The following KCNH5 variants were observed in gnomAD, a reference collection of about 807,000 sequenced individuals.
KCNH5 encodes voltage-gated delayed rectifier potassium channel KCNH5.
KCNH5 carries 46 observed loss-of-function variants against 96.1 expected under a neutral mutation model. That is an observed-to-expected ratio of 0.48 (90% CI 0.38 to 0.61). The LOEUF (loss-of-function observed/expected upper bound fraction) is 0.61. Ranked by LOEUF, KCNH5 falls within the 20% of genes least tolerant of loss-of-function variation. KCNH5 has a pLI of 0.00. For missense variants in KCNH5, 907 were observed against 1,225.8 expected, an observed-to-expected ratio of 0.74 and a Z score of 3.88; for synonymous variants, 439 against 449.8, an observed-to-expected ratio of 0.98 and a Z score of 0.30.
chr14:62,774,800 T>C (rs1420975511), intron 10 of KCNH5, among the ~76,000 whole-genome samples: 1 of 152,174 alleles, frequency 6.6e-6, no homozygotes, highest in African/African-American at 2.4e-5. Flanking sequence ...GGAATTGTGT[T>C]CTTATTATTG....
chr14:62,933,835 GA>G (rs1313055919), intron 7 of KCNH5, among the ~76,000 whole-genome samples: 1 of 152,120 alleles, frequency 6.6e-6, no homozygotes, highest in Non-Finnish European at 1.5e-5. Flanking sequence ...CAGATTAAAT[GA>G]AAAAGAAGGC....
intron 9 of KCNH5, among the ~76,000 whole-genome samples, chr14:62,786,583 A>C (rs1475481776): frequency 6.6e-6 from 1 of 152,210 alleles, no homozygotes; most frequent in Admixed American, 6.5e-5. Flanking sequence ...ATTACAATAC[A>C]GGCATAATCC....
At chr14:62,835,982 C>T (rs903085632) in intron 8 of KCNH5, among the ~76,000 whole-genome samples, 1 of 151,626 alleles carries the variant, frequency 6.6e-6, no homozygotes, top group Non-Finnish European at 1.5e-5. Context: ...AGAATTCTGC[C>T]GAATTTAGAT....
At chr14:62,889,532 C>T (rs923161241) in intron 7 of KCNH5, among the ~76,000 whole-genome samples, 6 of 152,174 alleles carry the variant, frequency 3.9e-5, no homozygotes, top group African/African-American at 7.2e-5. Context: ...AGAGAGCAGC[C>T]GATGAGCACA....
intron 7 of KCNH5, among the ~76,000 whole-genome samples, chr14:62,876,141 T>G (rs1888368084): frequency 6.6e-6 from 1 of 152,170 alleles, no homozygotes; most frequent in Non-Finnish European, 1.5e-5. Flanking sequence ...CACTCCAGAC[T>G]GGGTAACAGA....
chr14:62,711,286 C>T (rs1884562083), intron 10 of KCNH5, among the ~76,000 whole-genome samples: 1 of 140,958 alleles, frequency 7.1e-6, no homozygotes, highest in South Asian at 2.4e-4. Flanking sequence ...TAGCTAGAAA[C>T]AAAGACTCCA....
chr14:62,720,409 C>T lies in KCNH5; in HGVS notation c.2020-11954G>A, dbSNP rs1476995690. Among the ~76,000 whole-genome samples the T allele has an allele frequency of 5.7e-4, 8 of 13,932 alleles. No homozygotes were observed. In the East Asian group the frequency reaches 0.5, roughly 871 times the overall value. The allele number at this position is 13,932 out of a possible 152,430, so 9.1% of individuals were successfully genotyped here. On this transcript the variant is annotated intron_variant, in intron 10 of 10. Transcript: ENST00000322893. ...TAATTAAGAGACTTTTTGACCCCGT[C>T]TCTACTAAACAACAACAAAAAAATT...
intron 10 of KCNH5, 151 bp from the exon 11 acceptor site, chr14:62,708,606 T>C: frequency 5.5e-6 from 3 of 544,232 alleles, no homozygotes; most frequent in Non-Finnish European, 9.4e-6. Flanking sequence ...TTAAATACCA[T>C]TTATGGAATT....
chr14:62,752,964 A>G (rs370024194), intron 10 of KCNH5, among the ~76,000 whole-genome samples: 1 of 152,336 alleles, frequency 6.6e-6, no homozygotes, highest in South Asian at 2.1e-4. Context: ...TAGCAGTGTG[A>G]AAACAGACTA....
At chr14:62,939,010 A>G (rs1183982812) in intron 7 of KCNH5, among the ~76,000 whole-genome samples, 11 of 152,212 alleles carry the variant, frequency 7.2e-5, no homozygotes, top group Non-Finnish European at 1.5e-4. Context: ...CATGAAGTTA[A>G]TGGCTAATAA....
At chr14:62,907,713 T>C (rs934916324) in intron 7 of KCNH5, among the ~76,000 whole-genome samples, 9 of 152,188 alleles carry the variant, frequency 5.9e-5, no homozygotes, top group Non-Finnish European at 1.3e-4. Flanking sequence ...CGTTTTGTCA[T>C]TCCCTGTGCA....
intron 8 of KCNH5, among the ~76,000 whole-genome samples, chr14:62,823,685 T>C (rs1887159656): frequency 6.6e-6 from 1 of 152,106 alleles, no homozygotes; most frequent in East Asian, 1.9e-4. Context: ...TCTGATTTAC[T>C]CCTTTCTGGC....
chr14:62,827,236 A>C (rs558108467), intron 8 of KCNH5, among the ~76,000 whole-genome samples: 1 of 152,320 alleles, frequency 6.6e-6, no homozygotes, highest in East Asian at 1.9e-4. Context: ...AGTCTCTAGC[A>C]ATGTTTCCCC....
chr14:62,856,868 T>A (rs552629313), intron 7 of KCNH5, among the ~76,000 whole-genome samples: 75 of 152,080 alleles, frequency 4.9e-4, no homozygotes, highest in Non-Finnish European at 9.4e-4. Context: ...CATCAATAAC[T>A]TTAAGTGTTA....
At chr14:63,025,371 C>T (rs1282929328) in intron 1 of KCNH5, among the ~76,000 whole-genome samples, 1 of 151,904 alleles carries the variant, frequency 6.6e-6, no homozygotes, top group Non-Finnish European at 1.5e-5. Context: ...AAATCCTAGC[C>T]AGAGCAACTG....
intron 10 of KCNH5, among the ~76,000 whole-genome samples, chr14:62,767,567 C>G (rs927087246): frequency 6.6e-6 from 1 of 152,158 alleles, no homozygotes; most frequent in African/African-American, 2.4e-5. Context: ...TGAATTAACG[C>G]AGAAACAGAA....
chr14:62,801,720 A>G (rs919254464), intron 9 of KCNH5, among the ~76,000 whole-genome samples: 1 of 152,036 alleles, frequency 6.6e-6, no homozygotes, highest in Non-Finnish European at 1.5e-5. Context: ...AATATAGAGG[A>G]CAGAACCAGC....
intron 7 of KCNH5, among the ~76,000 whole-genome samples, chr14:62,908,780 G>GTCTTTT (rs1451340124): frequency 5.0e-5 from 1 of 19,802 alleles, no homozygotes; most frequent in Non-Finnish European, 9.5e-5. Flanking sequence ...ATTTTGCTTT[G>GTCTTTT]TATTTTTTTT....
intron 7 of KCNH5, among the ~76,000 whole-genome samples, chr14:62,878,470 T>A (rs1443854085): frequency 6.6e-6 from 1 of 152,146 alleles, no homozygotes; most frequent in African/African-American, 2.4e-5. Flanking sequence ...ATAATTGGAC[T>A]TCTTGACAAT....
Sources: gnomAD v4.1 joint callset for allele counts (sites outside exome capture counted in the v4.1 genomes callset) on GRCh38, gnomAD v4.1.1 for gene constraint, MANE v1.5 for transcripts, NCBI Gene and HGNC (gene_info 2026-07-23, HGNC 2026-07-21) for gene names.